The following NYAP2 variants were observed in gnomAD, a reference collection of about 807,000 sequenced individuals.
NYAP2 encodes neuronal tyrosine-phosphorylated phosphoinositide-3-kinase adaptor 2.
A neutral mutation model predicts 50.4 loss-of-function variants in NYAP2; 23 were observed. The ratio of observed to expected loss-of-function variants is 0.46; its 90% CI spans 0.33 to 0.65. The LOEUF is 0.65. NYAP2 is among the 30% of genes least tolerant of loss of function. The probability of loss-of-function intolerance (pLI) is 0.02; values close to 1 mark genes in which losing one functional copy is unlikely to be tolerated. For missense variants in NYAP2, 885 were observed against 861.0 expected (o/e 1.03, Z -0.35); for synonymous variants, 394 against 365.2 (o/e 1.08, Z -0.90).
chr2:225,398,836 T>C (rs1694811677), upstream of NYAP2, among the ~76,000 whole-genome samples: 1 of 152,062 alleles, frequency 6.6e-6, no homozygotes, highest in Admixed American at 6.6e-5. Flanking sequence ...GCTTCAGGAA[T>C]GCACTTCAGG....
chr2:225,640,666 T>C, intron 6 of NYAP2, among the ~76,000 whole-genome samples: 1 of 152,226 alleles, frequency 6.6e-6, no homozygotes, highest in East Asian at 1.9e-4. Context: ...TTTGGTGATA[T>C]TAACTGATGT....
the NYAP2 span, chr2:225,700,055 C>A: frequency 1.3e-5 from 2 of 151,742 alleles, no homozygotes; most frequent in African/African-American, 4.8e-5. Flanking sequence ...GTATTGACAG[C>A]AATAGTTCAG....
intron 3 of NYAP2, among the ~76,000 whole-genome samples, chr2:225,428,703 T>C (rs1251580346): frequency 1.3e-5 from 2 of 152,236 alleles, no homozygotes; most frequent in Admixed American, 1.3e-4. Context: ...CTGTGTATTC[T>C]GGCCTTCCCA....
chr2:225,567,977 G>A (rs1386957648), intron 4 of NYAP2, among the ~76,000 whole-genome samples: 1 of 152,144 alleles, frequency 6.6e-6, no homozygotes, highest in African/African-American at 2.4e-5. Context: ...TTCATACATA[G>A]GAAGGATGAG....
At chr2:225,592,400 A>C (rs1692522672) in intron 5 of NYAP2, among the ~76,000 whole-genome samples, 1 of 152,222 alleles carries the variant, frequency 6.6e-6, no homozygotes, top group Non-Finnish European at 1.5e-5. Context: ...GGGGTAAAAC[A>C]GACAAAGCAG....
chr2:225,604,465 A>C (rs1436991475), intron 5 of NYAP2, among the ~76,000 whole-genome samples: 1 of 152,120 alleles, frequency 6.6e-6, no homozygotes, highest in African/African-American at 2.4e-5. Context: ...AAGTCCAAAG[A>C]GGTTCAATTA....
chr2:225,630,697 T>C (rs1693291784), intron 6 of NYAP2, among the ~76,000 whole-genome samples: 2 of 152,162 alleles, frequency 1.3e-5, no homozygotes, highest in Admixed American at 6.5e-5. Context: ...TAAGTTTATG[T>C]GGTGGATATT....
At position 225,582,834 on chromosome 2, in the gene NYAP2, C is replaced by A; in HGVS notation, c.1417C>A (p.Pro473Thr). 1 of 1,613,892 alleles carries A rather than the reference C, an allele frequency of 6.2e-7. No individual in the cohort carries two copies. Among genetic ancestry groups the A allele is most frequent in the Non-Finnish European group, 8.5e-7 (1 of 1,179,886 alleles). Residue 473 changes from proline to threonine, a missense_variant, in exon 5 of 7, where the codon CCT (proline) becomes ACT (threonine). Pro to Thr is a conservative substitution (Grantham distance 38). Coordinates refer to ENST00000636099, the Ensembl canonical transcript of NYAP2. This position sits in a 1 kb window ranked among gnomAD's most constrained non-coding sequence, Gnocchi z 7.0. ...CCTCTCAAGGAGCTCTCCTTCAGTG[C>A]CTCACTCGACCCCCAGACCCGTGTC... is the stretch of plus-strand genomic sequence containing the variant.
At chr2:225,620,799 CTAAG>C (rs1403767340) in intron 5 of NYAP2, among the ~76,000 whole-genome samples, 1 of 152,056 alleles carries the variant, frequency 6.6e-6, no homozygotes, top group Non-Finnish European at 1.5e-5. Flanking sequence ...GGCTGGAGAC[CTAAG>C]TGACACTCCC....
the NYAP2 span, among the ~76,000 whole-genome samples, chr2:225,690,018 G>C: frequency 6.6e-6 from 1 of 152,084 alleles, no homozygotes; most frequent in African/African-American, 2.4e-5. Flanking sequence ...TAGATTACCT[G>C]TTCAAATAGC....
At chr2:225,495,612 G>T (rs1228909034) in intron 3 of NYAP2, among the ~76,000 whole-genome samples, 2 of 152,010 alleles carry the variant, frequency 1.3e-5, no homozygotes, top group African/African-American at 4.8e-5. Flanking sequence ...GGACAGACAG[G>T]TCTTCAGTAG....
the NYAP2 span, among the ~76,000 whole-genome samples, chr2:225,677,856 G>A: frequency 6.6e-6 from 1 of 152,078 alleles, no homozygotes; most frequent in Non-Finnish European, 1.5e-5. Context: ...GATCATCAGG[G>A]ATATTGGCAT....
intron 4 of NYAP2, among the ~76,000 whole-genome samples, chr2:225,568,537 T>C (rs1692003074): frequency 6.6e-6 from 1 of 152,208 alleles, no homozygotes; most frequent in African/African-American, 2.4e-5. Flanking sequence ...CCGATTCTAA[T>C]ACTGTCAAAG....
chr2:225,625,789 T>A (rs534105879), intron 5 of NYAP2, among the ~76,000 whole-genome samples: 1 of 152,268 alleles, frequency 6.6e-6, no homozygotes, highest in East Asian at 1.9e-4. Context: ...AGGAGGCTTC[T>A]GGAAGGATTT....
At chr2:225,499,709 T>G (rs1690571503) in intron 3 of NYAP2, among the ~76,000 whole-genome samples, 2 of 152,192 alleles carry the variant, frequency 1.3e-5, no homozygotes, top group Admixed American at 1.3e-4. Context: ...TAAGAACCCC[T>G]TTTGAGACTT....
intron 4 of NYAP2, among the ~76,000 whole-genome samples, chr2:225,518,658 T>C (rs1382898369): frequency 7.2e-6 from 1 of 139,112 alleles, no homozygotes; most frequent in African/African-American, 2.7e-5. Flanking sequence ...AATTTAGCCT[T>C]TCTACAATGT....
At chr2:225,637,773 T>C (rs1693447909) in intron 6 of NYAP2, among the ~76,000 whole-genome samples, 1 of 152,158 alleles carries the variant, frequency 6.6e-6, no homozygotes, top group South Asian at 2.1e-4. Flanking sequence ...CTGATACTGG[T>C]AGTATGGCTT....
At position 225,582,970 on chromosome 2, in the gene NYAP2, TCTC is replaced by T. The variant is rs780576502; in HGVS notation, c.1558_1560del (p.Ser520del). ...CCGCTGGAGGAGCTGACCAGCCTCT[TCTC>T]CTCCGGCCGCAGCCTGCTGCGCAAG... On this transcript the variant is annotated inframe_deletion, in exon 5 of 7. Coordinates refer to ENST00000636099, the Ensembl canonical transcript of NYAP2. The surrounding 1 kb of genome is among the most constrained non-coding windows in gnomAD (Gnocchi z 7.0). The T allele has an allele frequency of 3.1e-5, 50 of 1,612,300 alleles. No individual in the cohort carries two copies. The highest frequency in any genetic ancestry group is 1.6e-4 in the Middle Eastern group (1 of 6,082).
intron 6 of NYAP2, among the ~76,000 whole-genome samples, chr2:225,628,929 CA>C (rs1238955431): frequency 2.6e-5 from 4 of 152,060 alleles, no homozygotes; most frequent in African/African-American, 9.6e-5. Context: ...GCAAGACAGA[CA>C]AATAGACAAC....
Sources: allele counts gnomAD v4.1 joint callset (sites outside exome capture counted in the v4.1 genomes callset), GRCh38; gene constraint gnomAD v4.1.1; non-coding constraint Gnocchi (gnomAD v3.1); transcripts MANE v1.5; gene names NCBI Gene and HGNC (gene_info 2026-07-23, HGNC 2026-07-21).